Variants in UBR1 observed in about 807,000 individuals in gnomAD.
UBR1 encodes the protein E3 ubiquitin-protein ligase UBR1.
Under a neutral mutation model 242.1 loss-of-function variants are expected in UBR1, and 102 were observed. That is an observed-to-expected ratio of 0.42 (90% CI 0.36 to 0.50). The LOEUF (loss-of-function observed/expected upper bound fraction) is 0.50. Ranked by LOEUF, UBR1 falls within the 20% of genes least tolerant of loss-of-function variation. The pLI, the probability that UBR1 is intolerant of heterozygous loss-of-function variation, is 0.01. For synonymous variants in UBR1, 675 were observed against 684.8 expected (o/e 0.99, Z 0.22); for missense variants, 1,772 against 2,101.8 (o/e 0.84, Z 3.07).
chr15:42,977,682 CTTTT>C (rs201655415), intron 38 of UBR1, among the ~76,000 whole-genome samples, 194 bp downstream of exon 38: 1 of 124,176 alleles, frequency 8.1e-6, no homozygotes, highest in Middle Eastern at 4.0e-3. Flanking sequence ...AATTGAAGTG[CTTTT>C]TTTTTTTTTT....
chr15:43,003,001 C>T (rs2032749803), intron 31 of UBR1, among the ~76,000 whole-genome samples: 1 of 152,156 alleles, frequency 6.6e-6, no homozygotes, highest in Admixed American at 6.5e-5. Flanking sequence ...CTACTTTCCT[C>T]AGTTTCTAAT....
In UBR1 at chr15:43,036,247, G is replaced by C; in HGVS notation, c.2121C>G (p.Phe707Leu). The C allele has an allele frequency of 6.2e-7, 1 of 1,613,650 alleles. No homozygotes were observed. ...IGASLMDPNK[F>L]LLLVLQRYEL... ...CATACCTCTGAAGTACCAGTAACAA[G>C]AACTTATTGGGATCCATTAAAGATG... The change falls in exon 19 of 47, where the codon TTC (phenylalanine) becomes TTG (leucine). Residue 707 changes from phenylalanine (F) to leucine (L), a missense_variant. Physicochemically the swap from Phe to Leu is conservative, Grantham distance 22 (BLOSUM62 0). Transcript: ENST00000290650.
rs140878686 is a variant in UBR1, at chr15:43,017,863, C to T, written c.2941-682G>A. Among the ~76,000 whole-genome samples, 828 of 151,696 alleles carry T rather than the reference C, an allele frequency of 5.5e-3. 4 individuals are homozygous for T. Among genetic ancestry groups the T allele is most frequent in the Non-Finnish European group, 9.2e-3 (624 of 67,914 alleles). On this transcript the variant is annotated intron_variant, in intron 27 of 46. Transcript: ENST00000290650. Reference sequence around the variant, plus strand: ...AGTAAAATCCTCCTCTCCCTGATTACAACACCTCTATCAGAATATATAATT... The same window carrying T: ...AGTAAAATCCTCCTCTCCCTGATTATAACACCTCTATCAGAATATATAATT...
At chr15:43,104,497 G>A (rs912938544) in intron 1 of UBR1, among the ~76,000 whole-genome samples, 8 of 152,054 alleles carry the variant, frequency 5.3e-5, no homozygotes, top group African/African-American at 1.4e-4. Context: ...GAACAGTAGT[G>A]AAGTGAATTT....
Position 43,037,809 on chromosome 15 carries a change from C to T in UBR1, c.1986G>A (p.Glu662=). 6.2e-7 allele frequency: 1 copy of T among 1,614,150 alleles called. No homozygotes were observed. Among genetic ancestry groups the T allele is most frequent in the Non-Finnish European group, 8.5e-7 (1 of 1,180,030 alleles). The change falls in exon 17 of 47, where the codon GAG becomes GAA. Residue 662 remains glutamate (E), a synonymous_variant. Coordinates refer to ENST00000290650, the MANE Select transcript of UBR1 (RefSeq NM_174916.3). ...GAGACAGTCCATTTCTTCGCCACATCTCAGCAACAACCTGGGCAACCAACA... is the reference window on the plus strand; with the variant it reads ...GAGACAGTCCATTTCTTCGCCACATTTCAGCAACAACCTGGGCAACCAACA... ...CLVLVAQVVA[E]MWRRNGLSLI...
chr15:42,951,298 C>G (rs2031828569), intron 45 of UBR1, among the ~76,000 whole-genome samples: 1 of 152,088 alleles, frequency 6.6e-6, no homozygotes. Context: ...TCTCGGCCTA[C>G]TGCAACCTCC....
At chr15:43,040,407 T>C (rs1241811309) in intron 15 of UBR1, among the ~76,000 whole-genome samples, 12 of 152,114 alleles carry the variant, frequency 7.9e-5, no homozygotes, top group Admixed American at 6.6e-5. Flanking sequence ...ATGTAGAAAG[T>C]TGAAACTGGA....
At chr15:43,058,838 A>G (rs935838872) in intron 9 of UBR1, among the ~76,000 whole-genome samples, 2 of 152,220 alleles carry the variant, frequency 1.3e-5, no homozygotes, top group East Asian at 1.9e-4. Context: ...AGACACATAC[A>G]TATATACTCT....
At chr15:43,049,473 G>A (rs1478389674) in intron 12 of UBR1, among the ~76,000 whole-genome samples, 1 of 152,184 alleles carries the variant, frequency 6.6e-6, no homozygotes, top group African/African-American at 2.4e-5. Context: ...TGAAGCAGGA[G>A]AATGGCGTGA....
intron 29 of UBR1, 155 bp downstream of exon 29, chr15:43,015,533 A>G: frequency 1.2e-6 from 1 of 825,958 alleles, no homozygotes; most frequent in East Asian, 2.9e-5. Flanking sequence ...TCTGCCTAGG[A>G]AAACCAAAGA....
intron 25 of UBR1, among the ~76,000 whole-genome samples, chr15:43,023,378 G>T (rs1343148406): frequency 6.6e-6 from 1 of 151,790 alleles, no homozygotes; most frequent in Non-Finnish European, 1.5e-5. Context: ...GATCACCTGA[G>T]GTCAGGAGTT....
At position 42,963,353 on chromosome 15, in the gene UBR1, G is replaced by A. The variant is rs146827359; in HGVS notation, c.4700+582C>T. On this transcript the variant is annotated intron_variant, in intron 42 of 46. Coordinates refer to ENST00000290650, the MANE Select transcript of UBR1 (RefSeq NM_174916.3). ...GGGCAAGGAAAGCAATACAGTGAGA[G>A]CTGATTATAAAAATGATAGAAAATG... Among the ~76,000 whole-genome samples, 101 of 152,262 alleles carry A rather than the reference G, an allele frequency of 6.6e-4. 1 individual carries two copies. In the East Asian group the frequency reaches 0.019, roughly 28 times the overall value.
chr15:43,020,594 G>A (rs1222464526), intron 27 of UBR1, among the ~76,000 whole-genome samples: 1 of 152,098 alleles, frequency 6.6e-6, no homozygotes, highest in East Asian at 1.9e-4. Context: ...TATAGATTAG[G>A]TCACTTAAAA....
intron 37 of UBR1, among the ~76,000 whole-genome samples, chr15:42,979,397 G>A (rs959578695): frequency 1.3e-5 from 2 of 152,010 alleles, no homozygotes; most frequent in African/African-American, 4.8e-5. Flanking sequence ...AAAGCATAAA[G>A]GTTAAGATCA....
At position 42,975,909 on chromosome 15, in the gene UBR1, G is replaced by A. The variant is rs141583312; in HGVS notation, c.4369+808C>T. On this transcript the variant is annotated intron_variant, in intron 39 of 46. Transcript: ENST00000290650. Reference sequence around the variant, plus strand: ...AAAAAAAATTTTTTTGTAGAGATAGGGTCTCACCATCTTGTGCAGGCTGTT... The same window carrying A: ...AAAAAAAATTTTTTTGTAGAGATAGAGTCTCACCATCTTGTGCAGGCTGTT... Among the ~76,000 whole-genome samples, 81 of 152,070 alleles carry A rather than the reference G, an allele frequency of 5.3e-4. 1 individual carries two copies. The East Asian group carries it at 0.014, about 27-fold the overall frequency.
chr15:42,946,267 G>A (rs1330439187), intron 46 of UBR1, among the ~76,000 whole-genome samples: 1 of 152,150 alleles, frequency 6.6e-6, no homozygotes, highest in African/African-American at 2.4e-5. Context: ...TGGGATTACA[G>A]GTGCCCGCCA....
intron 3 of UBR1, among the ~76,000 whole-genome samples, chr15:43,080,217 A>AGTT (rs2033960123): frequency 6.6e-6 from 1 of 152,256 alleles, no homozygotes; most frequent in Non-Finnish European, 1.5e-5. Context: ...ACGGGCACTG[A>AGTT]AATTTTAATT....
At chr15:43,056,795 C>G (rs2033624813) in intron 10 of UBR1, among the ~76,000 whole-genome samples, 1 of 152,152 alleles carries the variant, frequency 6.6e-6, no homozygotes, top group Non-Finnish European at 1.5e-5. Flanking sequence ...GCAGCTTCCA[C>G]TCTAATGGTA....
chr15:43,054,652 C>T (rs2141332949), intron 12 of UBR1, 90 bp downstream of exon 12: 2 of 1,461,310 alleles, frequency 1.4e-6, no homozygotes, highest in Non-Finnish European at 1.9e-6. Context: ...TTCTGGATAA[C>T]CAAAATGATC....
Sources: gnomAD v4.1 joint callset for allele counts (sites outside exome capture counted in the v4.1 genomes callset) on GRCh38, gnomAD v4.1.1 for gene constraint, MANE v1.5 for transcripts, NCBI Gene and HGNC (gene_info 2026-07-23, HGNC 2026-07-21) for gene names.